MYT1L: variants seen among roughly 807,000 people sequenced by gnomAD.
MYT1L encodes the protein myelin transcription factor 1-like protein.
In MYT1L, 12 loss-of-function variants were observed where a neutral mutation model predicts 126.7. The ratio of observed to expected loss-of-function variants is 0.09; its 90% CI spans 0.06 to 0.15. The LOEUF (loss-of-function observed/expected upper bound fraction) is 0.15, where lower values mean the gene tolerates loss of function less well. Ranked by LOEUF, MYT1L falls within the 10% of genes least tolerant of loss-of-function variation. The pLI, the probability that MYT1L is intolerant of heterozygous loss-of-function variation, is 1.00. For synonymous variants in MYT1L, 541 were observed against 604.2 expected (o/e 0.90, Z 1.53); for missense variants, 979 against 1,585.2 (o/e 0.62, Z 6.49).
intron 4 of MYT1L, among the ~76,000 whole-genome samples, chr2:2,036,566 G>GGGT (rs2066878536): frequency 2.6e-5 from 4 of 152,320 alleles, no homozygotes; most frequent in South Asian, 4.1e-4. Flanking sequence ...AGCTCCTCAT[G>GGGT]GCAGAAACTC....
At chr2:2,029,776 G>C (rs2066028503) in intron 4 of MYT1L, among the ~76,000 whole-genome samples, 1 of 152,106 alleles carries the variant, frequency 6.6e-6, no homozygotes, top group South Asian at 2.1e-4. Flanking sequence ...TGAAAAGTCT[G>C]TATATAATTT....
chr2:1,897,769 A>G (rs554355458), intron 14 of MYT1L, among the ~76,000 whole-genome samples: 1 of 152,172 alleles, frequency 6.6e-6, no homozygotes, highest in African/African-American at 2.4e-5. Flanking sequence ...GCCCAGAGCT[A>G]TTTTTTGATC....
chr2:2,028,353 C>T (rs36039104), intron 4 of MYT1L, among the ~76,000 whole-genome samples: 6 of 152,172 alleles, frequency 3.9e-5, no homozygotes, highest in Non-Finnish European at 8.8e-5. Flanking sequence ...ACACTTATGC[C>T]TAAAGCAGTG....
intron 3 of MYT1L, among the ~76,000 whole-genome samples, chr2:2,096,978 G>A (rs760064375): frequency 2.0e-5 from 3 of 152,088 alleles, no homozygotes; most frequent in South Asian, 2.1e-4. Flanking sequence ...TCACGCCAGC[G>A]GCGGCCAGGC....
intron 14 of MYT1L, among the ~76,000 whole-genome samples, chr2:1,896,513 ATAAAGTC>A (rs1170217423): frequency 6.6e-6 from 1 of 152,258 alleles, no homozygotes; most frequent in African/African-American, 2.4e-5. Context: ...CATAAAAACA[ATAAAGTC>A]TAAAGTCATG....
In MYT1L at chr2:1,866,859, G is replaced by A. The variant is rs566784781; in HGVS notation, c.2712-15156C>T. On this transcript the variant is annotated intron_variant, in intron 18 of 24. Coordinates refer to ENST00000647738, the MANE Select transcript of MYT1L (RefSeq NM_001303052.2). ...AGAGAGAGGCCGTCAGAGAGGGAGG[G>A]CAGAGAGAGATGGGCAGAGAAAGAG... Among the ~76,000 whole-genome samples the A allele has an allele frequency of 6.5e-5, 9 of 138,890 alleles. No homozygotes were observed. The East Asian group carries it at 2.1e-3, about 33-fold the overall frequency. The allele number at this position is 138,890 out of a possible 152,430, so 91.1% of individuals were successfully genotyped here.
intron 2 of MYT1L, among the ~76,000 whole-genome samples, chr2:2,196,332 A>G (rs1389921964): frequency 6.6e-6 from 1 of 152,108 alleles, no homozygotes. Context: ...GCAGATCTGC[A>G]TTAAGTGAAA....
chr2:2,142,410 T>A (rs560904662), intron 3 of MYT1L, among the ~76,000 whole-genome samples: 1 of 152,194 alleles, frequency 6.6e-6, no homozygotes, highest in Non-Finnish European at 1.5e-5. Flanking sequence ...GATATTTTAA[T>A]AGAACTTTTG....
chr2:1,994,426 C>T (rs2061674885), intron 5 of MYT1L, among the ~76,000 whole-genome samples: 1 of 152,164 alleles, frequency 6.6e-6, no homozygotes, highest in East Asian at 1.9e-4. Context: ...CTGGTTCACG[C>T]CCTGCCCCCT....
intron 3 of MYT1L, among the ~76,000 whole-genome samples, chr2:2,075,949 T>C (rs914041190): frequency 2.0e-5 from 3 of 152,234 alleles, no homozygotes; most frequent in African/African-American, 7.2e-5. Flanking sequence ...TTGATGGGTT[T>C]TGGAGTTCCA....
chr2:2,243,435 G>A lies in MYT1L; in HGVS notation c.-421+40969C>T, dbSNP rs117405576. On this transcript the variant is annotated intron_variant, in intron 2 of 24. Coordinates refer to ENST00000647738, the MANE Select transcript of MYT1L (RefSeq NM_001303052.2). ...GGCATCTCCCTTAATTGGGACAGTG[G>A]GATTTAAGGTTCCCCAACAAAACAG... is the stretch of plus-strand genomic sequence containing the variant. Among the ~76,000 whole-genome samples the A allele has an allele frequency of 2.0e-4, 31 of 152,238 alleles. No homozygotes were observed. The East Asian group carries it at 5.6e-3, about 27-fold the overall frequency.
intron 3 of MYT1L, among the ~76,000 whole-genome samples, chr2:2,076,050 A>G (rs924296281): frequency 6.6e-6 from 1 of 152,216 alleles, no homozygotes; most frequent in African/African-American, 2.4e-5. Flanking sequence ...GTAGTGAGGG[A>G]AAGACTTACC....
rs1028763671 is a variant in MYT1L, at chr2:2,099,702, T to A, written c.-303-45579A>T. On this transcript the variant is annotated intron_variant, in intron 3 of 24. Coordinates refer to ENST00000647738, the MANE Select transcript of MYT1L (RefSeq NM_001303052.2). ...AAGAGTGAAAACAGTATAGCTGTTATCCATAACCAACTCCAAGATCACCAG... is the reference window on the plus strand; with the variant it reads ...AAGAGTGAAAACAGTATAGCTGTTAACCATAACCAACTCCAAGATCACCAG... 2.0e-5 allele frequency among the ~76,000 whole-genome samples: 3 copies of A among 152,324 alleles called. 1 individual carries two copies. Among genetic ancestry groups the A allele is most frequent in the East Asian group, 3.9e-4 (2 of 5,180 alleles).
At chr2:1,886,254 T>C (rs1330315036) in intron 18 of MYT1L, 3 of 315,450 alleles carry the variant, frequency 9.5e-6, no homozygotes, top group Non-Finnish European at 1.7e-5. Context: ...TTCCCTTCCA[T>C]ATGCATGCAT....
chr2:2,261,997 G>A (rs147931959), intron 2 of MYT1L, among the ~76,000 whole-genome samples: 2 of 152,162 alleles, frequency 1.3e-5, no homozygotes, highest in African/African-American at 4.8e-5. Context: ...ATGATAAAAT[G>A]AACCCAACTC....
intron 2 of MYT1L, among the ~76,000 whole-genome samples, chr2:2,198,265 G>A (rs925993025): frequency 6.6e-6 from 1 of 152,058 alleles, no homozygotes; most frequent in Non-Finnish European, 1.5e-5. Context: ...GACTAGGAAG[G>A]GGCAGGGGTA....
intron 2 of MYT1L, among the ~76,000 whole-genome samples, chr2:2,220,826 C>T (rs2093841531): frequency 6.6e-6 from 1 of 151,882 alleles, no homozygotes; most frequent in Admixed American, 6.6e-5. Context: ...TCCCCAGACC[C>T]CTTAGATAGG....
intron 2 of MYT1L, among the ~76,000 whole-genome samples, chr2:2,187,662 C>T (rs1350601483): frequency 1.3e-5 from 2 of 151,990 alleles, no homozygotes; most frequent in East Asian, 1.9e-4. Context: ...GCTAAAAATA[C>T]GTTTCCAGAG....
At chr2:2,104,190 T>A (rs2078460152) in intron 3 of MYT1L, among the ~76,000 whole-genome samples, 1 of 152,150 alleles carries the variant, frequency 6.6e-6, no homozygotes, top group Non-Finnish European at 1.5e-5. Context: ...CTGGAAGAAA[T>A]CATTGAAATG....
Sources: allele counts gnomAD v4.1 joint callset (sites outside exome capture counted in the v4.1 genomes callset), GRCh38; gene constraint gnomAD v4.1.1; transcripts MANE v1.5; gene names NCBI Gene and HGNC (gene_info 2026-07-23, HGNC 2026-07-21).